SNRNP40: variants seen among roughly 807,000 people sequenced by gnomAD.
The protein encoded by SNRNP40 is small nuclear ribonucleoprotein U5 subunit 40, also known as U5 small nuclear ribonucleoprotein 40 kDa protein.
SNRNP40 carries 21 observed loss-of-function variants against 45.8 expected under a neutral mutation model. The observed-to-expected ratio is 0.46, with a 90% CI of 0.32 to 0.66. The LOEUF (loss-of-function observed/expected upper bound fraction) is 0.66, where lower values mean the gene tolerates loss of function less well. Ranked by LOEUF, SNRNP40 falls within the 30% of genes least tolerant of loss-of-function variation. The pLI, the probability that SNRNP40 is intolerant of heterozygous loss-of-function variation, is 0.03. For synonymous variants in SNRNP40, 142 were observed against 163.8 expected, an observed-to-expected ratio of 0.87 and a Z score of 1.01; for missense variants, 344 against 439.1, an observed-to-expected ratio of 0.78 and a Z score of 1.94.
At chr1:31,291,690 G>A (rs1271970506) in intron 3 of SNRNP40, among the ~76,000 whole-genome samples, 1 of 152,140 alleles carries the variant, frequency 6.6e-6, no homozygotes, top group Non-Finnish European at 1.5e-5. Context: ...CTTAAAAAAA[G>A]AAAAATTTGT....
intron 3 of SNRNP40, 67 bp downstream of exon 3, chr1:31,291,846 G>C (rs12135540): frequency 1.8e-6 from 2 of 1,135,538 alleles, no homozygotes; most frequent in East Asian, 4.7e-5. Flanking sequence ...CCTGAGAAAG[G>C]ATGAAAGGTG....
Position 31,292,009 on chromosome 1 carries a change from G to A in SNRNP40, c.272-3C>T, listed in dbSNP as rs770282201. 1.3e-6 allele frequency: 2 copies of A among 1,588,186 alleles called. No individual in the cohort carries two copies. Among genetic ancestry groups the A allele is most frequent in the Non-Finnish European group, 1.7e-6 (2 of 1,156,540 alleles). On this transcript the variant is annotated splice_region_variant and splice_polypyrimidine_tract_variant and intron_variant, in intron 2 of 9. Coordinates refer to ENST00000263694, the MANE Select transcript of SNRNP40 (RefSeq NM_004814.3). ...GTCACCATAGACATTCCACAGTACT[G>A]TTAGGGAGATGGGTTCTGTGAGCAT...
At position 31,271,497 on chromosome 1, in the gene SNRNP40, G is replaced by A; in HGVS notation, c.657C>T (p.Val219=). The stretch of plus-strand genomic sequence containing the variant: ...TTAGCTTGTTCTGGCGCAGGTCCCA[G>A]ACCTGCAAAAACAGAAAGGTGCCCC... ...ISGGIDNDIK[V]WDLRQNKLTY... The change falls in exon 6 of 10, where the codon GTC becomes GTT. Residue 219 remains valine (V), a splice_region_variant and synonymous_variant. Coordinates refer to ENST00000263694, the MANE Select transcript of SNRNP40 (RefSeq NM_004814.3). The A allele has an allele frequency of 6.2e-7, 1 of 1,600,268 alleles. No individual in the cohort carries two copies. The highest frequency in any genetic ancestry group is 8.5e-7 in the Non-Finnish European group (1 of 1,176,456).
chr1:31,271,643 CTT>C, intron 5 of SNRNP40, 144 bp from the exon 6 acceptor site: 1 of 787,398 alleles, frequency 1.3e-6, no homozygotes, highest in Non-Finnish European at 1.9e-6. Context: ...AGAAAAACAC[CTT>C]TTTTTAATTT....
In SNRNP40 at chr1:31,296,762, G is replaced by C. The variant is rs6683981; in HGVS notation, c.-11C>G. The stretch of plus-strand genomic sequence containing the variant: ...CTGCTGTTCTATCATGGCGGCAACC[G>C]GTCTCTTCAGCGCCGCCACTGACCG... On this transcript the variant is annotated 5_prime_UTR_variant, in exon 1 of 10. Transcript: ENST00000263694. 9.4e-6 allele frequency: 15 copies of C among 1,589,762 alleles called. 1 individual carries two copies. The South Asian group carries it at 1.7e-4, about 18-fold the overall frequency.
chr1:31,262,300 G>T (rs1034097589), intron 8 of SNRNP40, among the ~76,000 whole-genome samples: 1 of 151,826 alleles, frequency 6.6e-6, no homozygotes, highest in Non-Finnish European at 1.5e-5. Context: ...TGCGTGGATC[G>T]TCTTAGGTCT....
intron 4 of SNRNP40, among the ~76,000 whole-genome samples, chr1:31,285,864 A>G (rs1357398447): frequency 1.3e-5 from 2 of 152,206 alleles, no homozygotes; most frequent in African/African-American, 4.8e-5. Flanking sequence ...CATCTTTGGT[A>G]GGAATATCAC....
intron 4 of SNRNP40, among the ~76,000 whole-genome samples, chr1:31,283,118 G>T (rs965385787): frequency 1.3e-5 from 2 of 152,178 alleles, no homozygotes; most frequent in Admixed American, 1.3e-4. Context: ...TAAACTGCAT[G>T]GCAAGGAGTT....
chr1:31,287,950 T>C (rs540943210), intron 4 of SNRNP40, among the ~76,000 whole-genome samples: 5 of 152,176 alleles, frequency 3.3e-5, no homozygotes, highest in East Asian at 1.9e-4. Context: ...TGAGCTGAGA[T>C]TGCGCCACTG....
At chr1:31,296,108 A>T (rs1646152716) in intron 1 of SNRNP40, among the ~76,000 whole-genome samples, 1 of 152,238 alleles carries the variant, frequency 6.6e-6, no homozygotes, top group South Asian at 2.1e-4. Context: ...GATCAATGGA[A>T]ATTTCATATA....
chr1:31,283,325 G>A (rs182023745), intron 4 of SNRNP40, among the ~76,000 whole-genome samples: 58 of 152,264 alleles, frequency 3.8e-4, no homozygotes, highest in Middle Eastern at 3.4e-3. Context: ...TAAACAGGCC[G>A]GGCATGGTGG....
At chr1:31,260,874 A>AAAAAAG (rs1645853805) in intron 9 of SNRNP40, 9 of 651,126 alleles carry the variant, frequency 1.4e-5, no homozygotes, top group African/African-American at 2.0e-5. Context: ...AAAAAAAAAA[A>AAAAAAG]AAAAAAGTAT....
chr1:31,296,485 T>C, intron 1 of SNRNP40, 126 bp downstream of exon 1: 1 of 1,297,370 alleles, frequency 7.7e-7, no homozygotes, highest in Non-Finnish European at 1.1e-6. Context: ...TTTATGTGCT[T>C]TAACTCTGCG....
intron 4 of SNRNP40, among the ~76,000 whole-genome samples, chr1:31,283,398 T>G (rs1389389019): frequency 6.6e-6 from 1 of 151,974 alleles, no homozygotes; most frequent in Admixed American, 6.5e-5. Flanking sequence ...AGGTCAGGAG[T>G]TCAAGACCAG....
At chr1:31,295,784 C>T (rs1646147111) in intron 1 of SNRNP40, among the ~76,000 whole-genome samples, 1 of 152,156 alleles carries the variant, frequency 6.6e-6, no homozygotes, top group Non-Finnish European at 1.5e-5. Flanking sequence ...CAGTTAGGGT[C>T]CCACTACAAA....
intron 5 of SNRNP40, among the ~76,000 whole-genome samples, chr1:31,280,275 G>A (rs1259575794): frequency 6.7e-6 from 1 of 150,048 alleles, no homozygotes; most frequent in Non-Finnish European, 1.5e-5. Context: ...GTAATCTCCT[G>A]CCTTAGCCTC....
At chr1:31,276,232 T>G (rs1035330010) in intron 5 of SNRNP40, among the ~76,000 whole-genome samples, 7 of 152,204 alleles carry the variant, frequency 4.6e-5, no homozygotes, top group Non-Finnish European at 1.0e-4. Context: ...TTAAAACAAC[T>G]TTTTTAAGAT....
intron 4 of SNRNP40, among the ~76,000 whole-genome samples, chr1:31,286,821 C>A (rs1457290294): frequency 6.6e-6 from 1 of 152,198 alleles, no homozygotes; most frequent in Non-Finnish European, 1.5e-5. Context: ...CACTTGTGCT[C>A]TGACACTCTA....
At chr1:31,261,335 C>T (rs1001465474) in intron 9 of SNRNP40, among the ~76,000 whole-genome samples, 194 bp downstream of exon 9, 11 of 152,034 alleles carry the variant, frequency 7.2e-5, no homozygotes, top group Non-Finnish European at 1.5e-4. Context: ...GGCAAAACAG[C>T]GAGACACTGT....
Sources: allele counts gnomAD v4.1 joint callset (sites outside exome capture counted in the v4.1 genomes callset), GRCh38; gene constraint gnomAD v4.1.1; transcripts MANE v1.5; gene names NCBI Gene and HGNC (gene_info 2026-07-23, HGNC 2026-07-21).